Variants in DPYS observed in about 807,000 individuals in gnomAD.
The protein encoded by DPYS is dihydropyrimidine amidohydrolase.
Under a neutral mutation model 50.3 loss-of-function variants are expected in DPYS, and 39 were observed. The ratio of observed to expected loss-of-function variants is 0.78; its 90% CI spans 0.60 to 1.01. The LOEUF is 1.01. DPYS is among the 50% of genes least tolerant of loss of function. DPYS has a pLI of 0.00. For synonymous variants in DPYS, 245 were observed against 250.7 expected, an observed-to-expected ratio of 0.98 and a Z score of 0.22; for missense variants, 659 against 680.9, an observed-to-expected ratio of 0.97 and a Z score of 0.36.
intron 8 of DPYS, among the ~76,000 whole-genome samples, chr8:104,383,547 C>G (rs749112509): frequency 2.6e-5 from 4 of 151,478 alleles, no homozygotes; most frequent in Non-Finnish European, 5.9e-5. Flanking sequence ...TGGGCTGACT[C>G]CGTTTCTGTC....
intron 3 of DPYS, among the ~76,000 whole-genome samples, chr8:104,444,838 GA>G (rs371850226): frequency 6.0e-5 from 9 of 151,148 alleles, no homozygotes; most frequent in African/African-American, 2.2e-4. Flanking sequence ...CACAAAATGG[GA>G]AAAAATATTT....
At chr8:104,444,552 G>T (rs1162446492) in intron 3 of DPYS, 115 bp from the exon 4 acceptor site, 3 of 1,047,576 alleles carry the variant, frequency 2.9e-6, no homozygotes, top group Non-Finnish European at 2.8e-6. Flanking sequence ...AGGTATAGGG[G>T]TGTGTGTGTG....
intron 1 of DPYS, among the ~76,000 whole-genome samples, chr8:104,453,647 A>C (rs1339221578): frequency 1.3e-5 from 2 of 152,268 alleles, no homozygotes; most frequent in African/African-American, 4.8e-5. Flanking sequence ...TTCCTCTCAC[A>C]GTTAAAGATA....
intron 1 of DPYS, among the ~76,000 whole-genome samples, chr8:104,464,555 C>T (rs1234870126): frequency 6.6e-6 from 1 of 152,182 alleles, no homozygotes; most frequent in Non-Finnish European, 1.5e-5. Context: ...CAATGGGATG[C>T]CCTGCCATCA....
intron 7 of DPYS, among the ~76,000 whole-genome samples, chr8:104,409,309 A>AC (rs1361546071): frequency 1.3e-5 from 2 of 150,520 alleles, no homozygotes; most frequent in African/African-American, 4.9e-5. Context: ...ACATAGTGAA[A>AC]CCCCGTCTCT....
intron 7 of DPYS, among the ~76,000 whole-genome samples, chr8:104,411,317 A>G (rs1812168258): frequency 6.6e-6 from 1 of 152,256 alleles, no homozygotes; most frequent in African/African-American, 2.4e-5. Context: ...TGAGGAATTC[A>G]GCAATCCTTC....
chr8:104,443,208 C>T (rs1381744834), intron 4 of DPYS, among the ~76,000 whole-genome samples: 1 of 152,144 alleles, frequency 6.6e-6, no homozygotes, highest in African/African-American at 2.4e-5. Context: ...GTAAAATGCA[C>T]CTTATTTATT....
At chr8:104,426,985 G>A (rs972797139) in intron 6 of DPYS, among the ~76,000 whole-genome samples, 2 of 152,126 alleles carry the variant, frequency 1.3e-5, no homozygotes, top group Non-Finnish European at 2.9e-5. Context: ...TGGATCACCT[G>A]AGGTCAGGAG....
chr8:104,427,902 G>A, intron 6 of DPYS, 78 bp downstream of exon 6: 1 of 1,607,554 alleles, frequency 6.2e-7, no homozygotes, highest in African/African-American at 1.3e-5. Context: ...ATGAAAATTT[G>A]TGCCACTCTG....
chr8:104,389,295 C>G (rs1314213626), intron 8 of DPYS, among the ~76,000 whole-genome samples: 2 of 152,192 alleles, frequency 1.3e-5, no homozygotes, highest in Non-Finnish European at 2.9e-5. Context: ...AAAACCAAAG[C>G]AAGGACTTTG....
At chr8:104,449,228 GA>G (rs886779625) in intron 2 of DPYS, among the ~76,000 whole-genome samples, 1 of 150,838 alleles carries the variant, frequency 6.6e-6, no homozygotes, top group Non-Finnish European at 1.5e-5. Flanking sequence ...TTTATAGTCA[GA>G]AAAAAAAATG....
chr8:104,454,855 T>C (rs1813870630), intron 1 of DPYS, among the ~76,000 whole-genome samples: 1 of 152,162 alleles, frequency 6.6e-6, no homozygotes, highest in Non-Finnish European at 1.5e-5. Flanking sequence ...GACCTACACG[T>C]GGAAGTTTCC....
At chr8:104,398,935 G>A (rs1232919947) in intron 7 of DPYS, among the ~76,000 whole-genome samples, 1 of 152,186 alleles carries the variant, frequency 6.6e-6, no homozygotes, top group Non-Finnish European at 1.5e-5. Flanking sequence ...CAGAGCTGAT[G>A]GGCCTCATGT....
intron 7 of DPYS, among the ~76,000 whole-genome samples, chr8:104,418,435 A>G (rs1307743392): frequency 6.6e-6 from 1 of 152,218 alleles, no homozygotes; most frequent in Non-Finnish European, 1.5e-5. Context: ...GCAAGAAGAA[A>G]AAAAAACCGT....
chr8:104,381,889 C>CACACACACAT (rs1371539303), intron 8 of DPYS, among the ~76,000 whole-genome samples: 2 of 150,328 alleles, frequency 1.3e-5, no homozygotes, highest in Non-Finnish European at 1.5e-5. Flanking sequence ...CACACATACA[C>CACACACACAT]ACAGACAAAT....
chr8:104,381,220 G>A lies in DPYS; in HGVS notation c.1538C>T (p.Thr513Ile), dbSNP rs767704603. 25 of 1,613,944 alleles carry A rather than the reference G, an allele frequency of 1.5e-5. No individual in the cohort carries two copies. The highest frequency in any genetic ancestry group is 2.7e-5 in the African/African-American group (2 of 74,880). The change falls in exon 9 of 10, where the codon ACC becomes ATC. Residue 513 changes from threonine (T) to isoleucine (I), a missense_variant. By Grantham distance (89) the Thr-to-Ile change is moderately conservative (BLOSUM62 -1). Coordinates refer to ENST00000351513, the MANE Select transcript of DPYS (RefSeq NM_001385.3). ...RVTKEDATAG[T>I]RKQAHP ...ACTTCAGGGGTGGGCCTGTTTCCTG[G>A]TCCCTGCTGTGGCATCTTCTTTTGT...
chr8:104,408,599 C>A (rs192500669), intron 7 of DPYS, among the ~76,000 whole-genome samples: 1 of 151,890 alleles, frequency 6.6e-6, no homozygotes, highest in Non-Finnish European at 1.5e-5. Flanking sequence ...ATCCATTCAA[C>A]GGAAAAACAA....
chr8:104,421,152 A>C (rs565215869), intron 7 of DPYS: 1 of 152,314 alleles, frequency 6.6e-6, no homozygotes, highest in African/African-American at 2.4e-5. Context: ...AGGTGTACAC[A>C]ATCAGCAGAC....
At chr8:104,409,089 C>T (rs532285562) in intron 7 of DPYS, among the ~76,000 whole-genome samples, 2 of 151,630 alleles carry the variant, frequency 1.3e-5, no homozygotes, top group African/African-American at 2.4e-5. Context: ...AGCCACTGTG[C>T]CCGGCCACAC....
Sources: allele counts gnomAD v4.1 joint callset (sites outside exome capture counted in the v4.1 genomes callset), GRCh38; gene constraint gnomAD v4.1.1; transcripts MANE v1.5; gene names NCBI Gene and HGNC (gene_info 2026-07-23, HGNC 2026-07-21).